The following PLCH1 variants were observed in gnomAD, a reference collection of about 807,000 sequenced individuals.
PLCH1 encodes the protein 1-phosphatidylinositol 4,5-bisphosphate phosphodiesterase eta-1.
PLCH1 carries 60 observed loss-of-function variants against 126.7 expected under a neutral mutation model. The ratio of observed to expected loss-of-function variants is 0.47; its 90% CI spans 0.38 to 0.59. The LOEUF (loss-of-function observed/expected upper bound fraction) is 0.59. Ranked by LOEUF, PLCH1 falls within the 20% of genes least tolerant of loss-of-function variation. PLCH1 has a pLI of 0.00. For missense variants in PLCH1, 1,723 were observed against 2,040.0 expected, an observed-to-expected ratio of 0.84 and a Z score of 2.99; for synonymous variants, 719 against 734.9, an observed-to-expected ratio of 0.98 and a Z score of 0.35.
intron 1 of PLCH1, among the ~76,000 whole-genome samples, chr3:155,732,519 G>GA (rs765151340): frequency 2.2e-3 from 296 of 131,962 alleles, no homozygotes; most frequent in Middle Eastern, 4.0e-3. Flanking sequence ...ACCCAGTCTG[G>GA]AAAAAAAAAA....
chr3:155,603,623 T>A (rs1488862497), intron 2 of PLCH1, among the ~76,000 whole-genome samples: 3 of 152,232 alleles, frequency 2.0e-5, no homozygotes, highest in African/African-American at 7.2e-5. Flanking sequence ...GGCATTTTTC[T>A]CTATGTTCTG....
intron 2 of PLCH1, among the ~76,000 whole-genome samples, chr3:155,630,977 T>C (rs886514418): frequency 2.0e-5 from 3 of 152,234 alleles, no homozygotes; most frequent in Non-Finnish European, 4.4e-5. Flanking sequence ...AAGATATTCT[T>C]TTATGGCTCA....
chr3:155,518,126 C>T (rs995707836), intron 11 of PLCH1, among the ~76,000 whole-genome samples: 7 of 152,168 alleles, frequency 4.6e-5, no homozygotes, highest in African/African-American at 1.7e-4. Flanking sequence ...TGCAAGATTT[C>T]ATCACACTTC....
At chr3:155,517,182 C>A (rs1475903747) in intron 11 of PLCH1, among the ~76,000 whole-genome samples, 1 of 152,090 alleles carries the variant, frequency 6.6e-6, no homozygotes, top group East Asian at 1.9e-4. Context: ...TGGCATGCAC[C>A]TGTAGCCCTA....
intron 12 of PLCH1, among the ~76,000 whole-genome samples, chr3:155,512,177 C>T (rs895076054): frequency 2.4e-4 from 36 of 152,038 alleles, no homozygotes; most frequent in Non-Finnish European, 4.7e-4. Flanking sequence ...CCTTGCGCTT[C>T]CCAGGTGAGG....
At position 155,514,829 on chromosome 3, in the gene PLCH1, G is replaced by A; in HGVS notation, c.1526C>T (p.Ser509Leu). Residue 509 changes from serine to leucine, a missense_variant, in exon 12 of 23, where the codon TCA becomes TTA. Ser to Leu is a moderately radical substitution (Grantham distance 145). This residue lies in a region of PLCH1 where 776 missense variants were observed against 1,062.9 expected (regional missense o/e 0.73). Coordinates refer to ENST00000460012, the MANE Select transcript of PLCH1 (RefSeq NM_014996.4). Reference protein sequence around the residue: ...VESFIRKKLESLLKESQIRDK... With the variant: ...VESFIRKKLELLLKESQIRDK... ...TCGAATTTGAGATTCTTTTAACAGT[G>A]ACTCCAGTTTTTTCCTTATGAAAGA... The A allele has an allele frequency of 6.2e-7, 1 of 1,612,046 alleles. No homozygotes were observed. Among genetic ancestry groups the A allele is most frequent in the Non-Finnish European group, 8.5e-7 (1 of 1,178,334 alleles).
chr3:155,553,492 G>A (rs1267843845), intron 9 of PLCH1, among the ~76,000 whole-genome samples: 1 of 152,100 alleles, frequency 6.6e-6, no homozygotes, highest in African/African-American at 2.4e-5. Context: ...AAGTGATCTA[G>A]GGCAAAACCT....
chr3:155,720,144 T>C (rs1386274060), intron 1 of PLCH1, among the ~76,000 whole-genome samples: 2 of 152,208 alleles, frequency 1.3e-5, no homozygotes, highest in East Asian at 1.9e-4. Context: ...GCTGTTTCAA[T>C]ATTTTTGCAT....
intron 21 of PLCH1, among the ~76,000 whole-genome samples, chr3:155,462,441 C>T (rs1367571462): frequency 2.0e-5 from 3 of 152,140 alleles, no homozygotes; most frequent in Non-Finnish European, 4.4e-5. Flanking sequence ...TGACCCTGAA[C>T]CAGCTGCAGC....
At chr3:155,488,232 CTG>C (rs2108056107) in intron 20 of PLCH1, 125 bp from the exon 21 acceptor site, 1 of 634,694 alleles carries the variant, frequency 1.6e-6, no homozygotes, top group East Asian at 2.8e-5. Context: ...GAGTGTTGCT[CTG>C]TTGCCCAGGC....
chr3:155,654,780 T>C (rs1462812317), intron 2 of PLCH1, among the ~76,000 whole-genome samples: 1 of 152,184 alleles, frequency 6.6e-6, no homozygotes, highest in Admixed American at 6.5e-5. Context: ...AAGTCCATCC[T>C]CCATGGTGCA....
At chr3:155,632,353 G>A (rs183587870) in intron 2 of PLCH1, among the ~76,000 whole-genome samples, 269 of 152,206 alleles carry the variant, frequency 1.8e-3, no homozygotes, top group Non-Finnish European at 3.0e-3. Context: ...CAATTACCAT[G>A]CTTTAATCCA....
intron 2 of PLCH1, among the ~76,000 whole-genome samples, chr3:155,682,184 C>T (rs1192182442): frequency 6.6e-6 from 1 of 152,202 alleles, no homozygotes; most frequent in Non-Finnish European, 1.5e-5. Flanking sequence ...ACTCAACTCA[C>T]TAAAGATGTA....
chr3:155,461,525 C>T (rs1007118495), intron 21 of PLCH1, among the ~76,000 whole-genome samples: 2 of 147,462 alleles, frequency 1.4e-5, no homozygotes, highest in African/African-American at 2.4e-5. Flanking sequence ...AGAAGACACA[C>T]ACAAAAAATG....
intron 13 of PLCH1, among the ~76,000 whole-genome samples, chr3:155,501,948 G>T (rs935092729): frequency 2.0e-5 from 3 of 152,094 alleles, no homozygotes; most frequent in African/African-American, 7.2e-5. Flanking sequence ...AAAGGGAAAG[G>T]GTCTCCATCC....
At chr3:155,683,470 G>A (rs1488634696) in intron 2 of PLCH1, among the ~76,000 whole-genome samples, 2 of 152,096 alleles carry the variant, frequency 1.3e-5, no homozygotes, top group Non-Finnish European at 2.9e-5. Context: ...TTATACACAG[G>A]TGCTATAAGA....
intron 6 of PLCH1, among the ~76,000 whole-genome samples, chr3:155,569,319 C>T (rs1023113587): frequency 6.6e-6 from 1 of 152,084 alleles, no homozygotes; most frequent in African/African-American, 2.4e-5. Flanking sequence ...TATATTTTCT[C>T]AAATATTCCA....
chr3:155,493,882 C>A (rs1716615705), intron 17 of PLCH1, among the ~76,000 whole-genome samples: 1 of 152,128 alleles, frequency 6.6e-6, no homozygotes, highest in Non-Finnish European at 1.5e-5. Flanking sequence ...CAAGTGATAA[C>A]CCAATGCTAT....
At chr3:155,470,669 C>A (rs901523218) in intron 21 of PLCH1, among the ~76,000 whole-genome samples, 1 of 151,940 alleles carries the variant, frequency 6.6e-6, no homozygotes, top group African/African-American at 2.4e-5. Flanking sequence ...TTAAGGGCAG[C>A]CAGAGAGAAA....
Sources: gnomAD v4.1 joint callset for allele counts (sites outside exome capture counted in the v4.1 genomes callset) on GRCh38, gnomAD v4.1.1 for gene constraint, gnomAD v4.1.1 regional missense constraint, MANE v1.5 for transcripts, NCBI Gene and HGNC (gene_info 2026-07-23, HGNC 2026-07-21) for gene names.